The following CNBD1 variants were observed in gnomAD, a reference collection of about 807,000 sequenced individuals.
CNBD1 encodes cyclic nucleotide binding domain containing 1.
Under a neutral mutation model 54.4 loss-of-function variants are expected in CNBD1, and 71 were observed. The ratio of observed to expected loss-of-function variants is 1.30; its 90% confidence interval spans 1.08 to 1.59. The LOEUF is 1.59. Among genes scored for constraint, CNBD1 ranks in the 40% most tolerant of loss-of-function variants. The pLI is 0.00. For synonymous variants in CNBD1, 182 were observed against 170.7 expected, an observed-to-expected ratio of 1.07 and a Z score of -0.51; for missense variants, 659 against 518.0, an observed-to-expected ratio of 1.27 and a Z score of -2.64.
intron 4 of CNBD1, among the ~76,000 whole-genome samples, chr8:87,097,486 A>C (rs1256153703): frequency 6.6e-6 from 1 of 152,212 alleles, no homozygotes; most frequent in Non-Finnish European, 1.5e-5. Flanking sequence ...ATGTTTCTTC[A>C]CTTGACAAGC....
At chr8:87,372,992 G>T (rs16899231) in intron 10 of CNBD1, among the ~76,000 whole-genome samples, 2,875 of 151,726 alleles carry the variant, frequency 0.019, 94 homozygotes, top group African/African-American at 0.063. Context: ...GTTACTTTAA[G>T]TAGTTTTAAT....
Position 86,914,937 on chromosome 8 carries a change from G to A in CNBD1, c.272+9743G>A, listed in dbSNP as rs1298344053. Among the ~76,000 whole-genome samples the A allele has an allele frequency of 3.3e-5, 5 of 152,304 alleles. No homozygotes were observed. The South Asian group carries it at 6.2e-4, about 19-fold the overall frequency. ...GATTGTAATTATAACCGCCCAATGG[G>A]TTCTTCTTGCCTGTTGCCCAGATAG... is the stretch of plus-strand genomic sequence containing the variant. On this transcript the variant is annotated intron_variant, in intron 3 of 10. Transcript: ENST00000518476.
chr8:86,905,295 A>AAACTG, intron 3 of CNBD1, 101 bp downstream of exon 3: 1 of 679,102 alleles, frequency 1.5e-6, no homozygotes, highest in Non-Finnish European at 2.6e-6. Context: ...GACCAGTTTC[A>AAACTG]GTCAAATATT....
chr8:87,268,522 C>T (rs1158158055), intron 6 of CNBD1, among the ~76,000 whole-genome samples: 2 of 152,050 alleles, frequency 1.3e-5, no homozygotes, highest in Non-Finnish European at 2.9e-5. Flanking sequence ...ATTGAGGAAT[C>T]CCTACACTGC....
At chr8:87,415,072 A>T (rs1020678811) in intron 2 of CNBD1, among the ~76,000 whole-genome samples, 4 of 152,098 alleles carry the variant, frequency 2.6e-5, no homozygotes, top group Non-Finnish European at 5.9e-5. Flanking sequence ...TGTGAGCAGT[A>T]GCTGGAACTC....
intron 1 of CNBD1, among the ~76,000 whole-genome samples, chr8:86,885,048 C>A (rs892775466): frequency 6.6e-6 from 1 of 152,124 alleles, no homozygotes; most frequent in Non-Finnish European, 1.5e-5. Flanking sequence ...AATTTCTAAG[C>A]CTTCACTTAT....
intron 2 of CNBD1, among the ~76,000 whole-genome samples, chr8:87,404,040 G>A (rs1193623212): frequency 6.6e-6 from 1 of 152,054 alleles, no homozygotes; most frequent in Admixed American, 6.6e-5. Context: ...GAGGTTTGCT[G>A]CATGCATCCT....
At chr8:87,167,489 G>A (rs942169443) in intron 4 of CNBD1, among the ~76,000 whole-genome samples, 2 of 151,762 alleles carry the variant, frequency 1.3e-5, no homozygotes, top group East Asian at 1.9e-4. Flanking sequence ...ATGGAGTCTC[G>A]CTCTGTCACC....
chr8:86,981,135 A>G (rs1808476689), intron 4 of CNBD1, among the ~76,000 whole-genome samples: 1 of 152,234 alleles, frequency 6.6e-6, no homozygotes, highest in Non-Finnish European at 1.5e-5. Context: ...CAGACTATGG[A>G]AAGACTCTGG....
intron 6 of CNBD1, among the ~76,000 whole-genome samples, chr8:87,268,274 G>C (rs113915747): frequency 3.9e-5 from 6 of 152,180 alleles, no homozygotes; most frequent in African/African-American, 1.4e-4. Flanking sequence ...TGCTGCAAAG[G>C]ACATGATTTT....
In CNBD1 at chr8:86,874,290, G is replaced by A. The variant is rs181532465; in HGVS notation, c.88+7707G>A. Reference sequence around the variant, plus strand: ...GACCTTGATACTGGGAGACAACAAAGCAGTTATTTTGTAGAATATCTTTCA... The same window carrying A: ...GACCTTGATACTGGGAGACAACAAAACAGTTATTTTGTAGAATATCTTTCA... On this transcript the variant is annotated intron_variant, in intron 1 of 10. Transcript: ENST00000518476. Among the ~76,000 whole-genome samples the A allele has an allele frequency of 2.2e-4, 33 of 152,240 alleles. 1 individual carries two copies. Among genetic ancestry groups the A allele is most frequent in the African/African-American group, 7.7e-4 (32 of 41,534 alleles).
intron 2 of CNBD1, among the ~76,000 whole-genome samples, chr8:87,399,986 G>T (rs1261743842): frequency 6.6e-6 from 1 of 151,916 alleles, no homozygotes; most frequent in Non-Finnish European, 1.5e-5. Context: ...CCACTGGAAA[G>T]GGAAACAAGA....
chr8:86,970,609 C>T (rs999380533), intron 4 of CNBD1, among the ~76,000 whole-genome samples: 1 of 150,484 alleles, frequency 6.6e-6, no homozygotes, highest in African/African-American at 2.4e-5. Context: ...CTCTTCTCTC[C>T]CTCCCACCTG....
At chr8:87,156,555 T>G (rs2130754622) in intron 4 of CNBD1, among the ~76,000 whole-genome samples, 1 of 152,130 alleles carries the variant, frequency 6.6e-6, no homozygotes, top group South Asian at 2.1e-4. Flanking sequence ...CCCATGATAC[T>G]TTAAAAATAC....
At position 86,939,577 on chromosome 8, in the gene CNBD1, A is replaced by G. The variant is rs377399941; in HGVS notation, c.273-19A>G. The stretch of plus-strand genomic sequence containing the variant: ...TATGCAGTATACAACAGCATAAAAT[A>G]CTATATTTTCTTGTTCAGGGAACTC... On this transcript the variant is annotated intron_variant, in intron 3 of 10. Transcript: ENST00000518476. The G allele has an allele frequency of 4.5e-6, 7 of 1,547,800 alleles. No individual in the cohort carries two copies. The highest frequency in any genetic ancestry group is 6.1e-6 in the Non-Finnish European group (7 of 1,145,852).
chr8:87,255,248 A>G (rs898314111), intron 6 of CNBD1, among the ~76,000 whole-genome samples: 1 of 152,150 alleles, frequency 6.6e-6, no homozygotes, highest in African/African-American at 2.4e-5. Flanking sequence ...ATTGGTGTTC[A>G]GGGAAGGGAG....
chr8:87,327,389 G>T (rs576963805), intron 8 of CNBD1, among the ~76,000 whole-genome samples: 3 of 151,716 alleles, frequency 2.0e-5, no homozygotes, highest in African/African-American at 7.3e-5. Flanking sequence ...AATGGTGGGC[G>T]CCCCTCCCCC....
At chr8:87,426,273 C>T (rs1053792181) in intron 2 of CNBD1, among the ~76,000 whole-genome samples, 12 of 152,186 alleles carry the variant, frequency 7.9e-5, no homozygotes, top group Admixed American at 2.0e-4. Context: ...AGAAATCACC[C>T]GTCTTCTGCG....
chr8:87,216,920 T>C (rs1814224139), intron 5 of CNBD1, among the ~76,000 whole-genome samples: 1 of 152,296 alleles, frequency 6.6e-6, no homozygotes, highest in South Asian at 2.1e-4. Flanking sequence ...TACTGGCTTA[T>C]AGAAATCAGT....
Sources: gnomAD v4.1 joint callset for allele counts (sites outside exome capture counted in the v4.1 genomes callset) on GRCh38, gnomAD v4.1.1 for gene constraint, MANE v1.5 for transcripts, NCBI Gene and HGNC (gene_info 2026-07-23, HGNC 2026-07-21) for gene names.